Variants in TSPEAR observed in about 807,000 individuals in gnomAD.
The protein encoded by TSPEAR is thrombospondin-type laminin G domain and EAR repeat-containing protein.
A neutral mutation model predicts 71.6 loss-of-function variants in TSPEAR; 69 were observed. That is an observed-to-expected ratio of 0.96 (90% CI 0.79 to 1.18). The LOEUF is 1.18. Ranked by LOEUF, TSPEAR falls within the 50% of genes most tolerant of loss-of-function variation. TSPEAR has a pLI of 0.00. For synonymous variants in TSPEAR, 402 were observed against 387.2 expected, an observed-to-expected ratio of 1.04 and a Z score of -0.45; for missense variants, 971 against 894.9, an observed-to-expected ratio of 1.09 and a Z score of -1.09.
rs942278487 is a variant in TSPEAR, at chr21:44,710,169, T to G, written c.82+1264A>C. Among the ~76,000 whole-genome samples the G allele has an allele frequency of 3.9e-5, 6 of 152,162 alleles. No individual in the cohort carries two copies. The highest frequency in any genetic ancestry group is 1.4e-4 in the African/African-American group (6 of 41,520). Reference sequence around the variant, plus strand: ...AGAAAGGCTGGCGCTGCGCCCTCCATCGCGTGAAGCCAGGGGATTTTGCTC... The same window carrying G: ...AGAAAGGCTGGCGCTGCGCCCTCCAGCGCGTGAAGCCAGGGGATTTTGCTC... On this transcript the variant is annotated intron_variant, in intron 1 of 11. Coordinates refer to ENST00000323084, the MANE Select transcript of TSPEAR (RefSeq NM_144991.3). The surrounding 1 kb of genome is among the most constrained non-coding windows in gnomAD (Gnocchi z 4.6).
At chr21:44,646,522 T>C (rs1984380210) in intron 1 of TSPEAR, 1 of 1,612,804 alleles carries the variant, frequency 6.2e-7, no homozygotes, top group East Asian at 2.2e-5. Context: ...GGTGGACGAC[T>C]GCCCAGAGAG....
At chr21:44,674,969 AT>A (rs1230664993) in intron 1 of TSPEAR, among the ~76,000 whole-genome samples, 60 of 152,268 alleles carry the variant, frequency 3.9e-4, no homozygotes, top group African/African-American at 1.2e-3. Context: ...CCAGGCCTGA[AT>A]GGCTTCACTG....
chr21:44,513,057 T>A (rs782471950), intron 9 of TSPEAR, among the ~76,000 whole-genome samples: 1 of 152,224 alleles, frequency 6.6e-6, no homozygotes, highest in Non-Finnish European at 1.5e-5. Flanking sequence ...GTGTATCCCA[T>A]GTAATACTTG....
intron 1 of TSPEAR, chr21:44,574,837 C>T (rs781819872): frequency 1.2e-6 from 2 of 1,613,892 alleles, no homozygotes; most frequent in Admixed American, 3.3e-5. Context: ...CCCTCCTCCT[C>T]CGTGTCCCTC....
At position 44,539,938 on chromosome 21, in the gene TSPEAR, G is replaced by A. The variant is rs142496686; in HGVS notation, c.304-6015C>T. Reference sequence around the variant, plus strand: ...AGCACGAGGGCGTGCAGGAGCTGGTGCAGCCTGATTGGCAGGGGCTGGGCT... The same window carrying A: ...AGCACGAGGGCGTGCAGGAGCTGGTACAGCCTGATTGGCAGGGGCTGGGCT... On this transcript the variant is annotated intron_variant, in intron 2 of 11. Coordinates refer to ENST00000323084, the MANE Select transcript of TSPEAR (RefSeq NM_144991.3). 7,050 of 1,613,744 alleles carry A rather than the reference G, an allele frequency of 4.4e-3. 240 individuals carry two copies. In the African/African-American group the frequency reaches 0.081, roughly 18 times the overall value.
chr21:44,564,645 A>G (rs932488557), intron 2 of TSPEAR, among the ~76,000 whole-genome samples: 1 of 152,226 alleles, frequency 6.6e-6, no homozygotes, highest in Admixed American at 6.5e-5. Flanking sequence ...GCAAAAGCTG[A>G]CAGAAATGAA....
intron 1 of TSPEAR, among the ~76,000 whole-genome samples, chr21:44,706,304 TGCACACACCCACAC>T (rs1432973204): frequency 3.3e-5 from 5 of 152,102 alleles, no homozygotes; most frequent in South Asian, 2.1e-4. Flanking sequence ...TGTACACGCA[TGCACACACCCACAC>T]GCACACACCC....
intron 1 of TSPEAR, among the ~76,000 whole-genome samples, chr21:44,588,594 C>G (rs1979496496): frequency 6.6e-6 from 1 of 151,274 alleles, no homozygotes; most frequent in Non-Finnish European, 1.5e-5. Context: ...TATAGCAGCA[C>G]AATTCGCAAT....
intron 1 of TSPEAR, among the ~76,000 whole-genome samples, chr21:44,698,642 C>T (rs2838644): frequency 0.37 from 55,965 of 152,102 alleles, 11,731 homozygotes; most frequent in African/African-American, 0.57. Flanking sequence ...GGAGTCCTGG[C>T]TGCAGACAGA....
intron 1 of TSPEAR, among the ~76,000 whole-genome samples, chr21:44,569,792 C>T (rs956696750): frequency 1.1e-4 from 17 of 152,028 alleles, no homozygotes; most frequent in South Asian, 4.2e-4. Flanking sequence ...GGACCACCCC[C>T]GATGGAGGCT....
At chr21:44,590,014 G>T (rs587653104) in intron 1 of TSPEAR, among the ~76,000 whole-genome samples, 1 of 152,368 alleles carries the variant, frequency 6.6e-6, no homozygotes, top group South Asian at 2.1e-4. Flanking sequence ...GGTGGACAAG[G>T]CTGTGTCAGT....
At chr21:44,706,501 C>T (rs1473610799) in intron 1 of TSPEAR, among the ~76,000 whole-genome samples, 21 of 150,784 alleles carry the variant, frequency 1.4e-4, no homozygotes, top group Admixed American at 4.6e-4. Flanking sequence ...GCGCACACAC[C>T]GCTGTCCCCA....
At chr21:44,510,671 G>A (rs1295026075) in intron 9 of TSPEAR, 2 of 152,324 alleles carry the variant, frequency 1.3e-5, no homozygotes, top group African/African-American at 2.4e-5. Flanking sequence ...CCAGCAGGGG[G>A]CGCCGTTGCC....
Position 44,527,442 on chromosome 21 carries a change from G to C in TSPEAR, c.999C>G (p.Phe333Leu). 2 of 1,614,260 alleles carry C rather than the reference G, an allele frequency of 1.2e-6. No homozygotes were observed. Among genetic ancestry groups the C allele is most frequent in the Non-Finnish European group, 1.7e-6 (2 of 1,180,050 alleles). Residue 333 changes from phenylalanine (F) to leucine (L), a missense_variant, in exon 7 of 12, where the codon TTC (phenylalanine) becomes TTG (leucine). Phe to Leu is a conservative substitution (Grantham distance 22). Coordinates refer to ENST00000323084, the MANE Select transcript of TSPEAR (RefSeq NM_144991.3). ...CAAAGAGCCCCACCTGAGGGATGCG[G>C]AACACCTCAATGCCCAGGGTCTCTG... The part of the protein sequence containing the change: ...TNSETLGIEV[F>L]RIPQVGLFVA...
In TSPEAR at chr21:44,506,871, G is replaced by C. The variant is rs146544402; in HGVS notation, c.1755-1990C>G. The stretch of plus-strand genomic sequence containing the variant: ...GAGGCTCACATCAGAAGCCGGCTTC[G>C]GTTTCACCACAAAATAAGGCATCTA... On this transcript the variant is annotated intron_variant, in intron 10 of 11. Coordinates refer to ENST00000323084, the MANE Select transcript of TSPEAR (RefSeq NM_144991.3). This position sits in a 1 kb window ranked among gnomAD's most constrained non-coding sequence, Gnocchi z 4.2. 1 of 152,242 alleles carries C rather than the reference G, an allele frequency of 6.6e-6. No homozygotes were observed. The highest frequency in any genetic ancestry group is 1.5e-5 in the Non-Finnish European group (1 of 68,022). 9.4% of individuals were successfully genotyped at this position (152,242 alleles called of 1,614,324 possible).
chr21:44,652,724 A>G (rs914061499), intron 1 of TSPEAR, among the ~76,000 whole-genome samples: 41 of 152,194 alleles, frequency 2.7e-4, no homozygotes, highest in African/African-American at 9.4e-4. Flanking sequence ...ATTCTCAAAC[A>G]TTAAGGCGTG....
intron 2 of TSPEAR, among the ~76,000 whole-genome samples, chr21:44,547,324 G>GT (rs2053317839): frequency 6.6e-6 from 1 of 151,910 alleles, no homozygotes; most frequent in Non-Finnish European, 1.5e-5. Context: ...ATTTTATTTA[G>GT]TTTTTTGAAC....
Position 44,499,850 on chromosome 21 carries a change from C to G in TSPEAR, c.1943G>C (p.Gly648Ala). 1 of 1,600,110 alleles carries G rather than the reference C, an allele frequency of 6.2e-7. No homozygotes were observed. The highest frequency in any genetic ancestry group is 8.5e-7 in the Non-Finnish European group (1 of 1,174,524). ...RDWEAFSTTA[G>A]AYLIYSSAKE... Reference sequence around the variant, plus strand: ...GGCGCTGGAGTAGATGAGGTAGGCACCAGCCGTGGTGCTGAAGGCCTCCCA... The same window carrying G: ...GGCGCTGGAGTAGATGAGGTAGGCAGCAGCCGTGGTGCTGAAGGCCTCCCA... The change falls in exon 12 of 12, where the codon GGT (glycine) becomes GCT (alanine). Residue 648 changes from glycine (G) to alanine (A), a missense_variant. By Grantham distance (60) the Gly-to-Ala change is moderately conservative. Transcript: ENST00000323084.
chr21:44,646,672 A>G, intron 1 of TSPEAR: 3 of 1,613,958 alleles, frequency 1.9e-6, no homozygotes, highest in South Asian at 1.1e-5. Flanking sequence ...ATCAGGCTGC[A>G]CCAGCTCCTG....
Sources: allele counts gnomAD v4.1 joint callset (sites outside exome capture counted in the v4.1 genomes callset), GRCh38; gene constraint gnomAD v4.1.1; non-coding constraint Gnocchi (gnomAD v3.1); transcripts MANE v1.5; gene names NCBI Gene and HGNC (gene_info 2026-07-23, HGNC 2026-07-21).